Variants in GAPVD1 observed in about 807,000 individuals in gnomAD.
GAPVD1 encodes GTPase activating protein and VPS9 domains 1.
In GAPVD1, 35 loss-of-function variants were observed where a neutral mutation model predicts 155.5. That is an observed-to-expected ratio of 0.23 (90% CI 0.17 to 0.30). The LOEUF (loss-of-function observed/expected upper bound fraction) is 0.30, where lower values mean the gene tolerates loss of function less well. GAPVD1 is among the 10% of genes least tolerant of loss of function. The probability of loss-of-function intolerance (pLI) is 1.00; values close to 1 mark genes in which losing one functional copy is unlikely to be tolerated. For synonymous variants in GAPVD1, 636 were observed against 619.7 expected (o/e 1.03, Z -0.39); for missense variants, 1,429 against 1,775.7 (o/e 0.80, Z 3.51).
intron 2 of GAPVD1, among the ~76,000 whole-genome samples, chr9:125,291,271 A>G (rs1056499181): frequency 5.3e-5 from 8 of 152,114 alleles, no homozygotes; most frequent in Admixed American, 1.3e-4. Context: ...TGGGCATCAG[A>G]GAAAGACCTT....
At chr9:125,349,281 T>TA in intron 20 of GAPVD1, 109 bp from the exon 21 acceptor site, 1 of 884,674 alleles carries the variant, frequency 1.1e-6, no homozygotes, top group Non-Finnish European at 1.7e-6. Context: ...AGAGAACTCT[T>TA]ATTATTAGTC....
chr9:125,273,602 C>T (rs1835259256), intron 2 of GAPVD1, among the ~76,000 whole-genome samples: 1 of 151,576 alleles, frequency 6.6e-6, no homozygotes, highest in Non-Finnish European at 1.5e-5. Context: ...CAGAATGTCA[C>T]AGGTCCAGGG....
At chr9:125,358,770 A>G (rs567230663) in intron 25 of GAPVD1, among the ~76,000 whole-genome samples, 11 of 152,344 alleles carry the variant, frequency 7.2e-5, no homozygotes, top group African/African-American at 2.4e-4. Flanking sequence ...GGCATAGGAT[A>G]AGGAATGGGG....
chr9:125,287,084 C>CA (rs535807629), intron 2 of GAPVD1, among the ~76,000 whole-genome samples: 16 of 147,654 alleles, frequency 1.1e-4, no homozygotes, highest in South Asian at 4.3e-4. Context: ...AACTCCATTT[C>CA]AAAAAAAAAA....
chr9:125,292,839 A>G (rs952512310), intron 2 of GAPVD1, among the ~76,000 whole-genome samples: 1 of 152,194 alleles, frequency 6.6e-6, no homozygotes, highest in African/African-American at 2.4e-5. Flanking sequence ...GGGAGTCTTA[A>G]TTGAGCACAC....
chr9:125,354,893 A>G (rs1361382524), intron 24 of GAPVD1, 52 bp downstream of exon 24: 1 of 1,247,500 alleles, frequency 8.0e-7, no homozygotes, highest in Admixed American at 1.8e-5. Context: ...TACTGTTGGG[A>G]AGATTTAGAA....
At chr9:125,310,632 TG>T (rs1170593204) in intron 8 of GAPVD1, among the ~76,000 whole-genome samples, 1 of 143,436 alleles carries the variant, frequency 7.0e-6, no homozygotes, top group Non-Finnish European at 1.5e-5. Context: ...CTCTGCCTCC[TG>T]GGTTCAAGCC....
Position 125,337,079 on chromosome 9 carries a change from A to G in GAPVD1, c.2490A>G (p.Pro830=). 1 of 1,612,336 alleles carries G rather than the reference A, an allele frequency of 6.2e-7. No homozygotes were observed. ...AGTCTCTGCTGGCCATGTTTGATCC[A>G]CTGTCTTCACATGAAGGTAAACCAG... The part of the protein sequence containing the change: ...QSESLLAMFD[P]LSSHEGASAV... The change falls in exon 16 of 28, where the codon CCA becomes CCG. Residue 830 remains proline (P), a synonymous_variant. Transcript: ENST00000297933.
chr9:125,350,247 G>A (rs1849107751), intron 21 of GAPVD1, 48 bp from the exon 22 acceptor site: 1 of 1,049,090 alleles, frequency 9.5e-7, no homozygotes. Flanking sequence ...TGTAAAATGT[G>A]ACCATATCTG....
At chr9:125,288,907 T>A (rs1838149745) in intron 2 of GAPVD1, among the ~76,000 whole-genome samples, 1 of 152,148 alleles carries the variant, frequency 6.6e-6, no homozygotes, top group Non-Finnish European at 1.5e-5. Flanking sequence ...TAGTAGAGGC[T>A]GAAATCTTAC....
At chr9:125,360,488 C>G (rs1850750653) in intron 26 of GAPVD1, 40 bp from the exon 27 acceptor site, 1 of 1,552,280 alleles carries the variant, frequency 6.4e-7, no homozygotes, top group Non-Finnish European at 8.9e-7. Context: ...AGGGTTGCCA[C>G]TGGATTCAGA....
chr9:125,323,193 G>C (rs1297860990), intron 10 of GAPVD1, among the ~76,000 whole-genome samples: 1 of 151,766 alleles, frequency 6.6e-6, no homozygotes, highest in Admixed American at 6.6e-5. Context: ...TGCAACCTTT[G>C]CCTCCCGGGT....
Position 125,320,075 on chromosome 9 carries a change from G to A in GAPVD1, c.1603-1358G>A, listed in dbSNP as rs74719796. ...TGGTATACATGTTTTGATATACATT[G>A]TGGAATGGCTGAATCAAGCTAAATA... On this transcript the variant is annotated intron_variant, in intron 9 of 27. Transcript: ENST00000297933. Among the ~76,000 whole-genome samples the A allele has an allele frequency of 1.7e-3, 260 of 151,988 alleles. 1 individual carries two copies. Among genetic ancestry groups the A allele is most frequent in the African/African-American group, 5.9e-3 (243 of 41,426 alleles).
In GAPVD1 at chr9:125,362,735, G is replaced by T; in HGVS notation, c.4372G>T (p.Asp1458Tyr). ...AGTAGAATTCATTAAAACCATCGAT[G>T]ACCGAAAGTGACCAAGACCAAGGCC... ...AAVEFIKTID[D>Y]RK The change falls in exon 28 of 28, where the codon GAC becomes TAC. Residue 1458 changes from aspartate (D) to tyrosine (Y), a missense_variant. Around this residue, in one of 4 missense-constraint regions of GAPVD1, gnomAD observed 102 missense variants for 196.5 expected, o/e 0.52. Transcript: ENST00000297933. The T allele has an allele frequency of 6.2e-7, 1 of 1,613,282 alleles. No homozygotes were observed. The highest frequency in any genetic ancestry group is 1.1e-5 in the South Asian group (1 of 90,878).
Position 125,312,641 on chromosome 9 carries a change from T to A in GAPVD1, c.1602+29T>A, listed in dbSNP as rs768902602. 13 of 1,532,794 alleles carry A rather than the reference T, an allele frequency of 8.5e-6. No individual in the cohort carries two copies. The South Asian group carries it at 1.6e-4, about 19-fold the overall frequency. The allele number at this position is 1,532,794 out of a possible 1,614,324, so 94.9% of individuals were successfully genotyped here. A position where few individuals can be genotyped will look rare whatever the true frequency, so the allele number is the denominator to read the frequency against. On this transcript the variant is annotated intron_variant, in intron 9 of 27. Coordinates refer to ENST00000297933, the MANE Select transcript of GAPVD1 (RefSeq NM_001282680.3). Reference sequence around the variant, plus strand: ...TGAATCAGTTGCTTCTATAAATCAATATTCATGTCTTAGTCCATACAGGCT... The same window carrying A: ...TGAATCAGTTGCTTCTATAAATCAAAATTCATGTCTTAGTCCATACAGGCT...
intron 9 of GAPVD1, among the ~76,000 whole-genome samples, chr9:125,318,261 A>G (rs1554770485): frequency 6.6e-6 from 1 of 152,234 alleles, no homozygotes; most frequent in Non-Finnish European, 1.5e-5. Context: ...TGTTGGGATT[A>G]GAGGCGTGAG....
rs905176221 is a variant in GAPVD1 at position 125,263,579 on chromosome 9, A to G, written c.-199+1620A>G. On this transcript the variant is annotated intron_variant, in intron 1 of 27. Transcript: ENST00000297933. The stretch of plus-strand genomic sequence containing the variant: ...ATTCAATGCAAAAGAATCCTCTCCA[A>G]TTTTACTGAGGTGGCTGACCACGTC... 65 of 1,422,262 alleles carry G rather than the reference A, an allele frequency of 4.6e-5. No homozygotes were observed. In the Middle Eastern group the frequency reaches 1.2e-3, roughly 27 times the overall value. 88.1% of individuals were successfully genotyped at this position (1,422,262 alleles called of 1,614,324 possible). A position where few individuals can be genotyped will look rare whatever the true frequency, so the allele number is the denominator to read the frequency against.
At chr9:125,262,298 G>A (rs1833056861) in intron 1 of GAPVD1, among the ~76,000 whole-genome samples, 2 of 152,158 alleles carry the variant, frequency 1.3e-5, no homozygotes, top group South Asian at 4.1e-4. Context: ...GTAGGGAACT[G>A]AGTATAGGAG....
intron 9 of GAPVD1, among the ~76,000 whole-genome samples, chr9:125,319,696 G>T (rs1489327065): frequency 6.6e-6 from 1 of 151,632 alleles, no homozygotes; most frequent in Admixed American, 6.6e-5. Context: ...CCACCTCCCG[G>T]GTTCAAGCGA....
Sources: gnomAD v4.1 joint callset for allele counts (sites outside exome capture counted in the v4.1 genomes callset) on GRCh38, gnomAD v4.1.1 for gene constraint, gnomAD v4.1.1 regional missense constraint, MANE v1.5 for transcripts, NCBI Gene and HGNC (gene_info 2026-07-23, HGNC 2026-07-21) for gene names.